Variants in GATM observed in about 807,000 individuals in gnomAD.
GATM encodes the protein glycine amidinotransferase, also known as glycine amidinotransferase, mitochondrial.
In GATM, 23 loss-of-function variants were observed where a neutral mutation model predicts 54.2. The observed-to-expected ratio is 0.42, with a 90% CI of 0.31 to 0.60. The LOEUF (loss-of-function observed/expected upper bound fraction) is 0.60, where lower values mean the gene tolerates loss of function less well. Ranked by LOEUF, GATM falls within the 20% of genes least tolerant of loss-of-function variation. GATM has a pLI of 0.14. For synonymous variants in GATM, 168 were observed against 183.1 expected, an observed-to-expected ratio of 0.92 and a Z score of 0.67; for missense variants, 401 against 544.9, an observed-to-expected ratio of 0.74 and a Z score of 2.63.
intron 2 of GATM, among the ~76,000 whole-genome samples, chr15:45,375,812 G>C (rs1197995102): frequency 6.6e-6 from 1 of 152,124 alleles, no homozygotes; most frequent in Non-Finnish European, 1.5e-5. Flanking sequence ...CAAAGTACAG[G>C]AGGAAAAGAA....
chr15:45,393,577 G>T (rs1210631490), intron 3 of GATM, among the ~76,000 whole-genome samples: 1 of 152,002 alleles, frequency 6.6e-6, no homozygotes, highest in Non-Finnish European at 1.5e-5. Flanking sequence ...CCCTTCAAAA[G>T]AAATTTCTAT....
chr15:45,384,975 T>C (rs527466695), intron 3 of GATM, among the ~76,000 whole-genome samples: 1 of 152,286 alleles, frequency 6.6e-6, no homozygotes, highest in South Asian at 2.1e-4. Context: ...CCCAAAGAAA[T>C]GAGATTACAG....
intron 2 of GATM, chr15:45,397,270 G>A (rs1889945652): frequency 6.6e-6 from 1 of 152,032 alleles, no homozygotes; most frequent in African/African-American, 2.4e-5. Flanking sequence ...GATAGGAGCA[G>A]TCTTTTGTTC....
rs146057680 is a variant in GATM, at chr15:45,366,483, T to C, written c.701A>G (p.Asp234Gly). ...NQDYPIHSVE[D>G]RHKLAAQGKF... ...TCCCTGAGCAGCCAATTTGTGTCTG[T>C]CTTCTACAGAGTGGATGGGATAATC... Residue 234 changes from aspartate (D) to glycine (G), a missense_variant, in exon 5 of 9, where the codon GAC (aspartate) becomes GGC (glycine). Physicochemically the swap from Asp to Gly is moderately conservative, Grantham distance 94. Coordinates refer to ENST00000396659, the MANE Select transcript of GATM (RefSeq NM_001482.3). 2.5e-4 allele frequency: 401 copies of C among 1,614,004 alleles called. No individual in the cohort carries two copies. The highest frequency in any genetic ancestry group is 3.3e-4 in the Non-Finnish European group (388 of 1,180,006).
intron 2 of GATM, among the ~76,000 whole-genome samples, chr15:45,376,007 T>C (rs147228889): frequency 6.1e-4 from 93 of 152,304 alleles, no homozygotes; most frequent in African/African-American, 2.2e-3. Flanking sequence ...AGATTCATTT[T>C]TGACAAAAGC....
At chr15:45,397,442 C>G (rs1889947866) in intron 2 of GATM, 1 of 152,054 alleles carries the variant, frequency 6.6e-6, no homozygotes, top group Non-Finnish European at 1.5e-5. Context: ...GATGAAGGCC[C>G]CATAAAAATC....
intron 1 of GATM, chr15:45,377,234 T>C: frequency 2.0e-6 from 1 of 489,086 alleles, no homozygotes; most frequent in South Asian, 1.5e-5. Flanking sequence ...GGAACCTCCT[T>C]TTCCCTTAAG....
At chr15:45,390,681 T>G (rs1462312550) in intron 3 of GATM, among the ~76,000 whole-genome samples, 1 of 152,104 alleles carries the variant, frequency 6.6e-6, no homozygotes, top group African/African-American at 2.4e-5. Context: ...CCTTTAGGAT[T>G]TAAGCCATAG....
At chr15:45,362,286 G>A in intron 8 of GATM, 65 bp from the exon 9 acceptor site, 1 of 996,242 alleles carries the variant, frequency 1.0e-6, no homozygotes, top group Non-Finnish European at 1.6e-6. Flanking sequence ...AGAGAAAGTA[G>A]GCCTACAGAC....
At chr15:45,397,960 G>A (rs1158882170) in intron 2 of GATM, among the ~76,000 whole-genome samples, 1 of 152,238 alleles carries the variant, frequency 6.6e-6, no homozygotes, top group Non-Finnish European at 1.5e-5. Context: ...GTGCTGTGTT[G>A]AGTGGCTGAG....
At chr15:45,364,532 CT>C in intron 7 of GATM, 1 of 404,808 alleles carries the variant, frequency 2.5e-6, no homozygotes, top group East Asian at 4.8e-5. Flanking sequence ...AAGACACTGT[CT>C]CAAAAAAAAA....
chr15:45,387,635 C>T (rs1220031195), intron 3 of GATM, among the ~76,000 whole-genome samples: 1 of 152,194 alleles, frequency 6.6e-6, no homozygotes, highest in Non-Finnish European at 1.5e-5. Context: ...TTGTACTTAG[C>T]ACAGTGATTA....
chr15:45,381,295 T>TA (rs1889738536), upstream of GATM, among the ~76,000 whole-genome samples: 1 of 152,198 alleles, frequency 6.6e-6, no homozygotes, highest in African/African-American at 2.4e-5. Context: ...TAGCTTAACT[T>TA]AAAGGCATAA....
chr15:45,374,427 A>T (rs1889593669), intron 2 of GATM, among the ~76,000 whole-genome samples: 1 of 152,214 alleles, frequency 6.6e-6, no homozygotes, highest in Non-Finnish European at 1.5e-5. Flanking sequence ...AATTTCACCC[A>T]ATTAAAATGG....
intron 2 of GATM, chr15:45,397,296 T>G (rs1216140040): frequency 6.6e-6 from 1 of 152,098 alleles, no homozygotes; most frequent in East Asian, 1.9e-4. Flanking sequence ...AGGCAATTCT[T>G]GCCCGGCTCC....
At position 45,364,808 on chromosome 15, in the gene GATM, A is replaced by T; in HGVS notation, c.1031T>A (p.Ile344Asn). The T allele has an allele frequency of 6.2e-7, 1 of 1,613,504 alleles. No individual in the cohort carries two copies. The highest frequency in any genetic ancestry group is 8.5e-7 in the Non-Finnish European group (1 of 1,179,468). ...GAAAGTAAACATACCGTCTGGGATG[A>T]TTGGTGTTGGAGGAGTAATGATAGT... ...GWTIITPPTPIIPDDHPLWMS... is the reference protein window; with the variant it reads ...GWTIITPPTPNIPDDHPLWMS... Residue 344 changes from isoleucine to asparagine, a missense_variant, in exon 7 of 9, where the codon ATC (isoleucine) becomes AAC (asparagine). Transcript: ENST00000396659.
At chr15:45,381,320 T>C (rs1215696244), upstream of GATM, among the ~76,000 whole-genome samples, 3 of 152,184 alleles carry the variant, frequency 2.0e-5, no homozygotes, top group Non-Finnish European at 4.4e-5. Flanking sequence ...GGATAGTGTG[T>C]GTATAAAGGG....
At chr15:45,364,732 A>G in intron 7 of GATM, 65 bp downstream of exon 7, 1 of 1,428,638 alleles carries the variant, frequency 7.0e-7, no homozygotes, top group Admixed American at 1.7e-5. Context: ...TGCTCTCTAT[A>G]GGAGAAAGAT....
intron 3 of GATM, chr15:45,396,254 C>T (rs1889928765): frequency 6.6e-6 from 1 of 152,204 alleles, no homozygotes; most frequent in African/African-American, 2.4e-5. Flanking sequence ...TCCCCAAGAT[C>T]TGATCTTACA....
Sources: gnomAD v4.1 joint callset for allele counts (sites outside exome capture counted in the v4.1 genomes callset) on GRCh38, gnomAD v4.1.1 for gene constraint, MANE v1.5 for transcripts, NCBI Gene and HGNC (gene_info 2026-07-23, HGNC 2026-07-21) for gene names.